ARHGAP45: variants seen among roughly 807,000 people sequenced by gnomAD.
ARHGAP45 encodes the protein rho GTPase-activating protein 45.
ARHGAP45 carries 56 observed loss-of-function variants against 116.1 expected under a neutral mutation model. The observed-to-expected ratio is 0.48, with a 90% confidence interval of 0.39 to 0.60. ARHGAP45 has a LOEUF of 0.60. ARHGAP45 is among the 20% of genes least tolerant of loss of function. ARHGAP45 has a pLI of 0.00. For synonymous variants in ARHGAP45, 866 were observed against 701.7 expected (o/e 1.23, Z -3.70); for missense variants, 1,622 against 1,601.0 (o/e 1.01, Z -0.22).
Position 1,068,484 on chromosome 19 carries a change from C to G in ARHGAP45, c.161C>G (p.Ser54Cys). Reference sequence around the variant, plus strand: ...AGCCTGGAGCCGCCCGCTGGGTCCTCCGGCGTCAAGGCCACAGGGACCCTC... The same window carrying G: ...AGCCTGGAGCCGCCCGCTGGGTCCTGCGGCGTCAAGGCCACAGGGACCCTC... ...GPSLEPPAGS[S>C]GVKATGTLKR... Residue 54 changes from serine to cysteine, a missense_variant, in exon 2 of 23, where the codon TCC becomes TGC. Transcript: ENST00000313093. The surrounding 1 kb of genome is among the most constrained non-coding windows in gnomAD (Gnocchi z 7.5). 2.5e-6 allele frequency: 4 copies of G among 1,587,932 alleles called. No homozygotes were observed. The highest frequency in any genetic ancestry group is 3.4e-6 in the Non-Finnish European group (4 of 1,168,032).
chr19:1,077,018 G>A (rs2043265702), intron 10 of ARHGAP45: 1 of 982,864 alleles, frequency 1.0e-6, no homozygotes, highest in African/African-American at 1.8e-5. Context: ...TGTGACCCAT[G>A]GCGCCTGGCG....
At position 1,080,537 on chromosome 19, in the gene ARHGAP45, C is replaced by A; in HGVS notation, c.1902C>A (p.Gly634=). The A allele has an allele frequency of 3.1e-6, 5 of 1,612,840 alleles. No individual in the cohort carries two copies. Among genetic ancestry groups the A allele is most frequent in the Non-Finnish European group, 4.2e-6 (5 of 1,179,922 alleles). ...ACTCGGACAGTGGGCTGGACCCCGG[C>A]CCTGGCGCAGGTGAGGGAGGCTCTC... The part of the protein sequence containing the change: ...ISDSDSGLDP[G]PGAGDFKKFE... Residue 634 remains glycine (G), a synonymous_variant, in exon 15 of 23, where the codon GGC becomes GGA. Coordinates refer to ENST00000313093, the MANE Select transcript of ARHGAP45 (RefSeq NM_012292.5).
intron 21 of ARHGAP45, 67 bp from the exon 22 acceptor site, chr19:1,084,171 G>A: frequency 6.9e-7 from 1 of 1,450,716 alleles, no homozygotes; most frequent in South Asian, 1.1e-5. Flanking sequence ...GTGTGGGTGG[G>A]TTTGTTAATT....
rs2043088638 is a variant in ARHGAP45 at position 1,068,885 on chromosome 19, T to A, written c.421+141T>A. The A allele has an allele frequency of 3.8e-6, 3 of 792,552 alleles. No individual in the cohort carries two copies. In the East Asian group the frequency reaches 8.0e-5, roughly 21 times the overall value. The allele number at this position is 792,552 out of a possible 1,614,324, so 49.1% of individuals were successfully genotyped here. On this transcript the variant is annotated intron_variant, in intron 2 of 22. Coordinates refer to ENST00000313093, the MANE Select transcript of ARHGAP45 (RefSeq NM_012292.5). The surrounding 1 kb of genome is among the most constrained non-coding windows in gnomAD (Gnocchi z 7.5). The stretch of plus-strand genomic sequence containing the variant: ...GCTGTGTGGAAGAGGCCATGACAGC[T>A]AAGGCTCTGAGGGATGTGTAGGAGT...
rs767231509 is a variant in ARHGAP45 at position 1,081,874 on chromosome 19, G to C, written c.2430G>C (p.Gln810His). 6.2e-7 allele frequency: 1 copy of C among 1,613,172 alleles called. No individual in the cohort carries two copies. Among genetic ancestry groups the C allele is most frequent in the Non-Finnish European group, 8.5e-7 (1 of 1,179,878 alleles). Residue 810 changes from glutamine (Q) to histidine (H), a missense_variant, in exon 19 of 23, where the codon CAG becomes CAC. Coordinates refer to ENST00000313093, the MANE Select transcript of ARHGAP45 (RefSeq NM_012292.5). Reference protein sequence around the residue: ...GVKTRVEKLCQAFENGKELVE... With the variant: ...GVKTRVEKLCHAFENGKELVE... ...AGACACGCGTGGAGAAGCTGTGCCAGGCCTTCGAGAACGGCAAGGAGCTGG... is the reference window on the plus strand; with the variant it reads ...AGACACGCGTGGAGAAGCTGTGCCACGCCTTCGAGAACGGCAAGGAGCTGG...
rs987289431 is a variant in ARHGAP45, at chr19:1,086,146, A to C, written c.*140A>C. On this transcript the variant is annotated 3_prime_UTR_variant, in exon 23 of 23. Transcript: ENST00000313093. ...AGCGCCTGGACTTCGACGTCCCACCAGCGGGCGCCTCCTCCCAGAGGCTTC... is the reference window on the plus strand; with the variant it reads ...AGCGCCTGGACTTCGACGTCCCACCCGCGGGCGCCTCCTCCCAGAGGCTTC... 2 of 729,590 alleles carry C rather than the reference A, an allele frequency of 2.7e-6. No individual in the cohort carries two copies. The highest frequency in any genetic ancestry group is 5.6e-5 in the Admixed American group (2 of 35,626). The allele number at this position is 729,590 out of a possible 1,614,324, so 45.2% of individuals were successfully genotyped here. A position where few individuals can be genotyped will look rare whatever the true frequency, so the allele number is the denominator to read the frequency against.
rs2043093755 is a variant in ARHGAP45 at position 1,069,172 on chromosome 19, G to A, written c.421+428G>A. 6.6e-6 allele frequency among the ~76,000 whole-genome samples: 1 copy of A among 152,092 alleles called. No homozygotes were observed. The highest frequency in any genetic ancestry group is 6.6e-5 in the Admixed American group (1 of 15,262). ...ACAGGACAGATGGGGGCAGATCTGT[G>A]TCTTGGAATGAAGCAAACTGGGGGT... On this transcript the variant is annotated intron_variant, in intron 2 of 22. Transcript: ENST00000313093. The surrounding 1 kb of genome is among the most constrained non-coding windows in gnomAD (Gnocchi z 4.1).
intron 11 of ARHGAP45, among the ~76,000 whole-genome samples, chr19:1,078,653 C>A (rs949354331): frequency 1.4e-5 from 2 of 141,902 alleles, no homozygotes; most frequent in Non-Finnish European, 3.1e-5. Context: ...TCATGATCCA[C>A]CCACTTCGGC....
Position 1,069,502 on chromosome 19 carries a change from G to A in ARHGAP45, c.421+758G>A, listed in dbSNP as rs1454088137. ...AGCAGCCGCCCATTTTACAGATGACGAAACTAAGTCTCTAGTGAGGCCCTG... is the reference window on the plus strand; with the variant it reads ...AGCAGCCGCCCATTTTACAGATGACAAAACTAAGTCTCTAGTGAGGCCCTG... On this transcript the variant is annotated intron_variant, in intron 2 of 22. Coordinates refer to ENST00000313093, the MANE Select transcript of ARHGAP45 (RefSeq NM_012292.5). This position sits in a 1 kb window ranked among gnomAD's most constrained non-coding sequence, Gnocchi z 4.1. Among the ~76,000 whole-genome samples, 2 of 152,224 alleles carry A rather than the reference G, an allele frequency of 1.3e-5. No individual in the cohort carries two copies. Among genetic ancestry groups the A allele is most frequent in the Non-Finnish European group, 2.9e-5 (2 of 68,046 alleles).
chr19:1,075,034 C>A (rs548049115), intron 10 of ARHGAP45, among the ~76,000 whole-genome samples, 155 bp downstream of exon 10: 48 of 137,052 alleles, frequency 3.5e-4, no homozygotes, highest in African/African-American at 8.2e-4. Context: ...GCCGCCCCCC[C>A]CAACGCCAAG....
At position 1,074,633 on chromosome 19, in the gene ARHGAP45, C is replaced by A. The variant is rs1477659848; in HGVS notation, c.1013C>A (p.Ser338Tyr). The change falls in exon 9 of 23, where the codon TCC becomes TAC. Residue 338 changes from serine (S) to tyrosine (Y), a missense_variant. Physicochemically the swap from Ser to Tyr is moderately radical, Grantham distance 144. Around this residue, in one of 3 missense-constraint regions of ARHGAP45, gnomAD observed 1,334 missense variants for 1,263.8 expected, o/e 1.06. Transcript: ENST00000313093. ...VMQEPHMPLLSIYSLALEQDL... is the reference protein window; with the variant it reads ...VMQEPHMPLLYIYSLALEQDL... Reference sequence around the variant, plus strand: ...CCACAGCCCCACATGCCGCTCCTGTCCATCTACTCGCTGGCCCTGGAGCAG... The same window carrying A: ...CCACAGCCCCACATGCCGCTCCTGTACATCTACTCGCTGGCCCTGGAGCAG... The A allele has an allele frequency of 1.2e-6, 2 of 1,602,142 alleles. No individual in the cohort carries two copies. Among genetic ancestry groups the A allele is most frequent in the Non-Finnish European group, 8.5e-7 (1 of 1,175,268 alleles).
intron 19 of ARHGAP45, chr19:1,082,577 C>A (rs72618591): frequency 0.068 from 34,772 of 512,180 alleles, 2,480 homozygotes; most frequent in East Asian, 0.32. Context: ...CTGAGTGGAG[C>A]CGGAGCTCGT....
At position 1,086,169 on chromosome 19, in the gene ARHGAP45, T is replaced by C. The variant is rs541749423; in HGVS notation, c.*163T>C. On this transcript the variant is annotated 3_prime_UTR_variant, in exon 23 of 23. Transcript: ENST00000313093. Reference sequence around the variant, plus strand: ...CCAGCGGGCGCCTCCTCCCAGAGGCTTCCAGGAGCACGAGGGCCTTGCGGC... The same window carrying C: ...CCAGCGGGCGCCTCCTCCCAGAGGCCTCCAGGAGCACGAGGGCCTTGCGGC... 77 of 633,608 alleles carry C rather than the reference T, an allele frequency of 1.2e-4. No homozygotes were observed. In the East Asian group the frequency reaches 2.1e-3, roughly 17 times the overall value. 39.2% of individuals were successfully genotyped at this position (633,608 alleles called of 1,614,324 possible).
Position 1,081,904 on chromosome 19 carries a change from G to A in ARHGAP45, c.2460G>A (p.Glu820=), listed in dbSNP as rs751870474. 2.2e-5 allele frequency: 36 copies of A among 1,612,950 alleles called. 1 individual carries two copies. The South Asian group carries it at 3.2e-4, about 14-fold the overall frequency. The change falls in exon 19 of 23, where the codon GAG becomes GAA. Residue 820 remains glutamate (E), a synonymous_variant. Coordinates refer to ENST00000313093, the MANE Select transcript of ARHGAP45 (RefSeq NM_012292.5). ...QAFENGKELV[E]LSQASPHDIS... ...TCGAGAACGGCAAGGAGCTGGTCGA[G>A]CTGTCGCAGGCCTCGCCCCACGACA...
chr19:1,079,891 T>G (rs770929349), intron 12 of ARHGAP45, 37 bp from the exon 13 acceptor site: 2 of 1,593,940 alleles, frequency 1.3e-6, no homozygotes, highest in Non-Finnish European at 8.6e-7. Flanking sequence ...CCGGGCGGCC[T>G]CCTCCTGACC....
chr19:1,083,369 T>A lies in ARHGAP45; in HGVS notation c.2955+16T>A, dbSNP rs1422645234. Reference sequence around the variant, plus strand: ...CGGGGGCCAGGTGAGGGTGTGGGCCTGACCGGGGCTGGCCACTCGGGGCTT... The same window carrying A: ...CGGGGGCCAGGTGAGGGTGTGGGCCAGACCGGGGCTGGCCACTCGGGGCTT... On this transcript the variant is annotated intron_variant, in intron 21 of 22. Transcript: ENST00000313093. The A allele has an allele frequency of 3.3e-6, 5 of 1,536,488 alleles. No individual in the cohort carries two copies. The highest frequency in any genetic ancestry group is 4.4e-6 in the Non-Finnish European group (5 of 1,144,576).
At position 1,084,319 on chromosome 19, in the gene ARHGAP45, C is replaced by CAGG. The variant is rs1245928668; in HGVS notation, c.3041_3043dup (p.Glu1014dup). On this transcript the variant is annotated inframe_insertion, in exon 22 of 23. Transcript: ENST00000313093. ...GGGCGAGGCGGTGGTCTACCCGCTG[C>CAGG]AGGAGGCGGCGGCGGACGGGTGCAG... 3 of 1,610,710 alleles carry CAGG rather than the reference C, an allele frequency of 1.9e-6. No individual in the cohort carries two copies. In the African/African-American group the frequency reaches 4.0e-5, roughly 22 times the overall value.
chr19:1,083,557 A>G lies in ARHGAP45; in HGVS notation c.2955+204A>G, dbSNP rs34593562. ...TCTGCATTGAATCTGGCAGAGGTGC[A>G]AAGGCTCTGCGGCCGCCCCTCCACT... On this transcript the variant is annotated intron_variant, in intron 21 of 22. Coordinates refer to ENST00000313093, the MANE Select transcript of ARHGAP45 (RefSeq NM_012292.5). Among the ~76,000 whole-genome samples, 49,237 of 152,084 alleles carry G rather than the reference A, an allele frequency of 0.32. 9,880 individuals carry two copies. Among genetic ancestry groups the G allele is most frequent in the Middle Eastern group, 0.45 (133 of 294 alleles).
Position 1,077,897 on chromosome 19 carries a change from A to C in ARHGAP45, c.1226A>C (p.Tyr409Ser). The change falls in exon 11 of 23, where the codon TAC (tyrosine) becomes TCC (serine). Residue 409 changes from tyrosine (Y) to serine (S), a missense_variant. Coordinates refer to ENST00000313093, the MANE Select transcript of ARHGAP45 (RefSeq NM_012292.5). ...AACCTGCGCAAGGCCAAGCAGGGTT[A>C]CGTGCAGCGCTGCGAGGACCACGAC... The part of the protein sequence containing the change: ...ESNLRKAKQG[Y>S]VQRCEDHDKA... 1 of 1,554,686 alleles carries C rather than the reference A, an allele frequency of 6.4e-7. No homozygotes were observed. The highest frequency in any genetic ancestry group is 1.4e-5 in the African/African-American group (1 of 73,264).
Sources: allele counts gnomAD v4.1 joint callset (sites outside exome capture counted in the v4.1 genomes callset), GRCh38; gene constraint gnomAD v4.1.1; regional missense constraint gnomAD v4.1.1; non-coding constraint Gnocchi (gnomAD v3.1); transcripts MANE v1.5; gene names NCBI Gene and HGNC (gene_info 2026-07-23, HGNC 2026-07-21).